Variants in EXOC4 observed in about 807,000 individuals in gnomAD.
EXOC4 encodes the protein exocyst complex component 4.
A neutral mutation model predicts 107.2 loss-of-function variants in EXOC4; 71 were observed. The ratio of observed to expected loss-of-function variants is 0.66; its 90% CI spans 0.55 to 0.81. EXOC4 has a LOEUF of 0.81. Ranked by LOEUF, EXOC4 falls within the 30% of genes least tolerant of loss-of-function variation. The pLI is 0.00. For synonymous variants in EXOC4, 456 were observed against 441.2 expected, an observed-to-expected ratio of 1.03 and a Z score of -0.42; for missense variants, 1,108 against 1,189.6, an observed-to-expected ratio of 0.93 and a Z score of 1.01.
chr7:134,004,823 A>G, intron 15 of EXOC4, 89 bp from the exon 16 acceptor site: 1 of 1,042,134 alleles, frequency 9.6e-7, no homozygotes, highest in Non-Finnish European at 1.4e-6. Context: ...ATGATAATTT[A>G]TTAGTTATTT....
chr7:134,000,853 A>G (rs1224428706), intron 15 of EXOC4, among the ~76,000 whole-genome samples: 1 of 152,198 alleles, frequency 6.6e-6, no homozygotes, highest in Non-Finnish European at 1.5e-5. Context: ...AAGTAATGGG[A>G]TATGCTAGCA....
intron 9 of EXOC4, among the ~76,000 whole-genome samples, chr7:133,592,728 G>T (rs1002315366): frequency 1.3e-5 from 2 of 152,210 alleles, no homozygotes; most frequent in African/African-American, 4.8e-5. Flanking sequence ...TTACCCTCCC[G>T]AGTAGCTGGG....
At chr7:133,585,869 A>G (rs1454970293) in intron 9 of EXOC4, among the ~76,000 whole-genome samples, 1 of 151,692 alleles carries the variant, frequency 6.6e-6, no homozygotes, top group Non-Finnish European at 1.5e-5. Context: ...AATTTTTTGT[A>G]TTTTTATTAG....
At chr7:133,756,500 T>C (rs1795920528) in intron 10 of EXOC4, among the ~76,000 whole-genome samples, 1 of 152,240 alleles carries the variant, frequency 6.6e-6, no homozygotes, top group Non-Finnish European at 1.5e-5. Flanking sequence ...CTGAATGTTA[T>C]AATCCTCTCT....
At chr7:133,813,825 C>G (rs920029822) in intron 10 of EXOC4, among the ~76,000 whole-genome samples, 3 of 151,966 alleles carry the variant, frequency 2.0e-5, no homozygotes, top group African/African-American at 4.8e-5. Context: ...TGTGATAATC[C>G]TATATATACA....
rs1295370334 is a variant in EXOC4, at chr7:133,723,698, TTGGGCTG to T, written c.1514+93559_1514+93565del. Among the ~76,000 whole-genome samples the T allele has an allele frequency of 5.3e-5, 8 of 152,174 alleles. 1 individual carries two copies. Among genetic ancestry groups the T allele is most frequent in the Admixed American group, 5.2e-4 (8 of 15,268 alleles). The stretch of plus-strand genomic sequence containing the variant: ...TAGAAACGGGGTTTCACTATGTTGG[TTGGGCTG>T]TACTTAGACTCCTGGCCTCGGGTAA... On this transcript the variant is annotated intron_variant, in intron 10 of 17. Coordinates refer to ENST00000253861, the MANE Select transcript of EXOC4 (RefSeq NM_021807.4).
intron 7 of EXOC4, among the ~76,000 whole-genome samples, chr7:133,427,785 G>A (rs1447436820): frequency 6.6e-6 from 1 of 152,154 alleles, no homozygotes; most frequent in Non-Finnish European, 1.5e-5. Context: ...TGGGTAAGGG[G>A]GTGGTACCAC....
At chr7:133,634,726 C>T (rs1212794351) in intron 10 of EXOC4, among the ~76,000 whole-genome samples, 1 of 152,162 alleles carries the variant, frequency 6.6e-6, no homozygotes, top group Non-Finnish European at 1.5e-5. Context: ...AGGTGATCCG[C>T]CCGCCTCGGC....
rs569806298 is a variant in EXOC4 at position 133,518,215 on chromosome 7, T to C, written c.1417+38077T>C. Among the ~76,000 whole-genome samples the C allele has an allele frequency of 3.0e-3, 456 of 152,164 alleles. 4 individuals carry two copies. Among genetic ancestry groups the C allele is most frequent in the African/African-American group, 0.01 (435 of 41,488 alleles). On this transcript the variant is annotated intron_variant, in intron 9 of 17. Transcript: ENST00000253861. ...TGGGTGGAGAAATCGGCCGTATTTT[T>C]TGATGGGAGGTCCTGCAAAGTCAAA...
chr7:133,655,737 C>T (rs553465267), intron 10 of EXOC4, among the ~76,000 whole-genome samples: 2 of 152,266 alleles, frequency 1.3e-5, no homozygotes, highest in East Asian at 1.9e-4. Context: ...GATAACAATA[C>T]TTTCTTCTGG....
At chr7:133,475,290 G>A in intron 7 of EXOC4, 38 bp from the exon 8 acceptor site, 1 of 1,514,878 alleles carries the variant, frequency 6.6e-7, no homozygotes, top group Non-Finnish European at 9.0e-7. Flanking sequence ...CATTAAAAAT[G>A]TGTATATTAA....
At position 133,490,446 on chromosome 7, in the gene EXOC4, G is replaced by A. The variant is rs537061810; in HGVS notation, c.1417+10308G>A. Among the ~76,000 whole-genome samples, 14 of 152,162 alleles carry A rather than the reference G, an allele frequency of 9.2e-5. No homozygotes were observed. The East Asian group carries it at 2.1e-3, about 23-fold the overall frequency. Reference sequence around the variant, plus strand: ...CTATAAGTATTTAAAGCTTAAACTCGGTTATAACAGATGAAGAGAAGTTTT... The same window carrying A: ...CTATAAGTATTTAAAGCTTAAACTCAGTTATAACAGATGAAGAGAAGTTTT... On this transcript the variant is annotated intron_variant, in intron 9 of 17. Coordinates refer to ENST00000253861, the MANE Select transcript of EXOC4 (RefSeq NM_021807.4).
At chr7:133,455,798 G>A (rs1015002453) in intron 7 of EXOC4, among the ~76,000 whole-genome samples, 7 of 152,260 alleles carry the variant, frequency 4.6e-5, no homozygotes, top group Admixed American at 6.5e-5. Context: ...AAGATTGAAC[G>A]ATCTATCTGT....
At chr7:133,791,408 T>A (rs1796701295) in intron 10 of EXOC4, among the ~76,000 whole-genome samples, 1 of 152,234 alleles carries the variant, frequency 6.6e-6, no homozygotes, top group East Asian at 1.9e-4. Flanking sequence ...AATTTAGTTC[T>A]GTGTCCATAG....
rs1353746054 is a variant in EXOC4, at chr7:133,649,471, T to TC, written c.1514+19330_1514+19331insC. 4.8e-4 allele frequency among the ~76,000 whole-genome samples: 9 copies of TC among 18,844 alleles called. No individual in the cohort carries two copies. The East Asian group carries it at 5.8e-3, about 12-fold the overall frequency. 12.4% of individuals were successfully genotyped at this position (18,844 alleles called of 152,430 possible). On this transcript the variant is annotated intron_variant, in intron 10 of 17. Coordinates refer to ENST00000253861, the MANE Select transcript of EXOC4 (RefSeq NM_021807.4). ...TGTGAAGCATTACTACTTTTTCTTT[T>TC]TTTTTTTTTTTTTTAACCAGTAAAG...
At chr7:133,579,481 A>G (rs1335871877) in intron 9 of EXOC4, among the ~76,000 whole-genome samples, 3 of 152,104 alleles carry the variant, frequency 2.0e-5, no homozygotes. Flanking sequence ...AGTTGCTTCA[A>G]TTGACTTTTA....
chr7:133,290,143 T>C (rs1270923717), intron 3 of EXOC4, among the ~76,000 whole-genome samples: 1 of 152,190 alleles, frequency 6.6e-6, no homozygotes, highest in African/African-American at 2.4e-5. Context: ...CTATCAGATA[T>C]TAAAACCTGG....
At chr7:133,918,205 A>T (rs1007568811) in intron 13 of EXOC4, among the ~76,000 whole-genome samples, 1 of 151,944 alleles carries the variant, frequency 6.6e-6, no homozygotes, top group Non-Finnish European at 1.5e-5. Context: ...TGGTCTCGAT[A>T]TCCTGACCTA....
the EXOC4 span, among the ~76,000 whole-genome samples, chr7:134,100,277 AGGGAAGAGGC>A: frequency 4.1e-5 from 3 of 73,684 alleles, no homozygotes; most frequent in Admixed American, 1.7e-4. Flanking sequence ...ATTAGAAGCC[AGGGAAGAGGC>A]CTGGAACAGC....
Sources: allele counts gnomAD v4.1 joint callset (sites outside exome capture counted in the v4.1 genomes callset), GRCh38; gene constraint gnomAD v4.1.1; transcripts MANE v1.5; gene names NCBI Gene and HGNC (gene_info 2026-07-23, HGNC 2026-07-21).